CNOT1: variants seen among roughly 807,000 people sequenced by gnomAD.
CNOT1 encodes the protein CCR4-associated factor 1.
Under a neutral mutation model 273.8 loss-of-function variants are expected in CNOT1, and 15 were observed. That is an observed-to-expected ratio of 0.05 (90% confidence interval 0.04 to 0.08). CNOT1 has a LOEUF of 0.08. Ranked by LOEUF, CNOT1 falls within the 10% of genes least tolerant of loss-of-function variation. The pLI, the probability that CNOT1 is intolerant of heterozygous loss-of-function variation, is 1.00. For missense variants in CNOT1, 1,644 were observed against 2,912.2 expected, an observed-to-expected ratio of 0.56 and a Z score of 10.02; for synonymous variants, 1,022 against 1,005.5, an observed-to-expected ratio of 1.02 and a Z score of -0.31.
chr16:58,526,237 C>T (rs2039575508), intron 44 of CNOT1, 99 bp from the exon 45 acceptor site: 1 of 1,247,226 alleles, frequency 8.0e-7, no homozygotes, highest in Non-Finnish European at 1.1e-6. Context: ...AAACTATATA[C>T]ACTATAAATG....
intron 16 of CNOT1, among the ~76,000 whole-genome samples, chr16:58,571,346 A>C (rs538127323): frequency 1.2e-4 from 18 of 152,258 alleles, no homozygotes; most frequent in Admixed American, 2.0e-4. Context: ...ACCTGAGGTC[A>C]GGAGTTCAAG....
chr16:58,557,032 T>G (rs780430581), intron 18 of CNOT1, 39 bp from the exon 19 acceptor site: 1 of 1,601,406 alleles, frequency 6.2e-7, no homozygotes, highest in Non-Finnish European at 8.5e-7. Flanking sequence ...CTATCATTAT[T>G]CATATTCTTG....
rs77306827 is a variant in CNOT1, at chr16:58,615,615, T to C, written c.-175+14113A>G. The stretch of plus-strand genomic sequence containing the variant: ...TTGAGGAAGAAATACATTTTTACTC[T>C]GTTAAGCCGCTGTTATCTTGGATTT... On this transcript the variant is annotated intron_variant, in intron 1 of 48. Transcript: ENST00000317147. Among the ~76,000 whole-genome samples the C allele has an allele frequency of 1.3e-3, 162 of 126,376 alleles. 4 individuals are homozygous for C. The East Asian group carries it at 0.031, about 24-fold the overall frequency. The allele number at this position is 126,376 out of a possible 152,430, so 82.9% of individuals were successfully genotyped here. A position where few individuals can be genotyped will look rare whatever the true frequency, so the allele number is the denominator to read the frequency against.
At chr16:58,522,184 T>C (rs923673172) in intron 47 of CNOT1, among the ~76,000 whole-genome samples, 3 of 124,410 alleles carry the variant, frequency 2.4e-5, no homozygotes, top group African/African-American at 9.5e-5. Context: ...CCGGACGTGG[T>C]GGCAGGTGCC....
chr16:58,532,673 G>A, intron 40 of CNOT1: 1 of 389,446 alleles, frequency 2.6e-6, no homozygotes, highest in Non-Finnish European at 4.6e-6. Flanking sequence ...CTAGAAATCA[G>A]CAAGGCCCCT....
chr16:58,612,036 C>G (rs2042921106), intron 1 of CNOT1, among the ~76,000 whole-genome samples: 1 of 74,006 alleles, frequency 1.4e-5, no homozygotes, highest in Non-Finnish European at 2.8e-5. Context: ...GTGACCACAC[C>G]TCGCGGCCAA....
At chr16:58,589,018 T>C in intron 2 of CNOT1, 112 bp from the exon 3 acceptor site, 1 of 1,289,214 alleles carries the variant, frequency 7.8e-7, no homozygotes, top group African/African-American at 1.5e-5. Flanking sequence ...TTACATTAGT[T>C]ACTCATTTTT....
chr16:58,575,363 T>C (rs1290394956), intron 14 of CNOT1, among the ~76,000 whole-genome samples: 1 of 152,170 alleles, frequency 6.6e-6, no homozygotes, highest in African/African-American at 2.4e-5. Flanking sequence ...AAACAAACTT[T>C]ACCGTGCTCT....
chr16:58,603,919 TAACA>T (rs1371195557), intron 1 of CNOT1, among the ~76,000 whole-genome samples: 2 of 152,326 alleles, frequency 1.3e-5, no homozygotes, highest in African/African-American at 2.4e-5. Context: ...GTAAGTTACA[TAACA>T]AACAAGTAAT....
chr16:58,528,856 G>A (rs2039683058), intron 43 of CNOT1, among the ~76,000 whole-genome samples: 3 of 150,932 alleles, frequency 2.0e-5, no homozygotes, highest in Non-Finnish European at 1.5e-5. Context: ...GGCATCAAGA[G>A]TTTACAGGCT....
chr16:58,531,311 G>A (rs974961036), intron 42 of CNOT1, among the ~76,000 whole-genome samples: 1 of 152,056 alleles, frequency 6.6e-6, no homozygotes, highest in African/African-American at 2.4e-5. Context: ...TGATCTGAGG[G>A]GCCAAAGAAT....
intron 2 of CNOT1, among the ~76,000 whole-genome samples, chr16:58,591,424 G>T (rs950040769): frequency 6.6e-6 from 1 of 152,122 alleles, no homozygotes; most frequent in African/African-American, 2.4e-5. Flanking sequence ...ATAAAAACCT[G>T]CAATGAATAT....
intron 13 of CNOT1, 76 bp from the exon 14 acceptor site, chr16:58,576,658 T>C: frequency 6.3e-7 from 1 of 1,583,364 alleles, no homozygotes; most frequent in South Asian, 1.1e-5. Context: ...GCCCAGTTAA[T>C]TTTGCTAGAA....
At position 58,574,875 on chromosome 16, in the gene CNOT1, C is replaced by T. The variant is rs1384894018; in HGVS notation, c.1828-115G>A. The T allele has an allele frequency of 4.5e-6, 7 of 1,559,516 alleles. No individual in the cohort carries two copies. In the East Asian group the frequency reaches 1.6e-4, roughly 35 times the overall value. ...CCAAAATAAGTAACATCTTCATTGC[C>T]ATTTAAAAAAGTTGTTTCTTTCAAA... On this transcript the variant is annotated intron_variant, in intron 15 of 48. Coordinates refer to ENST00000317147, the MANE Select transcript of CNOT1 (RefSeq NM_016284.5).
intron 1 of CNOT1, among the ~76,000 whole-genome samples, chr16:58,601,358 A>G (rs761874087): frequency 1.3e-5 from 2 of 152,144 alleles, no homozygotes; most frequent in African/African-American, 2.4e-5. Context: ...CGGCCTCCCA[A>G]AGTGCTGGGA....
rs774566160 is a variant in CNOT1, at chr16:58,534,281, G to A, written c.5761C>T (p.Pro1921Ser). Residue 1921 changes from proline to serine, a missense_variant, in exon 40 of 49, where the codon CCT becomes TCT. Physicochemically the swap from Pro to Ser is moderately conservative, Grantham distance 74. Coordinates refer to ENST00000317147, the MANE Select transcript of CNOT1 (RefSeq NM_016284.5). The stretch of plus-strand genomic sequence containing the variant: ...CGGATCATGGTGGGATTGGCAGCAG[G>A]ATTGTGCTGCTGCTCAGCCTGAGCA... Reference protein sequence around the residue: ...YRAQAEQQHNPAANPTMIRAK... With the variant: ...YRAQAEQQHNSAANPTMIRAK... 1 of 1,614,108 alleles carries A rather than the reference G, an allele frequency of 6.2e-7. No homozygotes were observed. The highest frequency in any genetic ancestry group is 1.1e-5 in the South Asian group (1 of 91,076).
chr16:58,553,307 C>A (rs2040516635), intron 22 of CNOT1, among the ~76,000 whole-genome samples: 1 of 151,954 alleles, frequency 6.6e-6, no homozygotes, highest in Non-Finnish European at 1.5e-5. Flanking sequence ...AAAAACCACA[C>A]CTCAAAGGAA....
intron 1 of CNOT1, among the ~76,000 whole-genome samples, chr16:58,616,129 C>T (rs1357531759): frequency 4.0e-5 from 5 of 125,052 alleles, no homozygotes; most frequent in Non-Finnish European, 7.6e-5. Context: ...TTTTTTCAGA[C>T]GGAGTCTCGC....
Position 58,520,670 on chromosome 16 carries a change from A to G in CNOT1, c.*288T>C. On this transcript the variant is annotated 3_prime_UTR_variant, in exon 49 of 49. Coordinates refer to ENST00000317147, the MANE Select transcript of CNOT1 (RefSeq NM_016284.5). ...TACTTGCCTTGGACACAGCTTGCAC[A>G]AAGCCAAGAAGTTCCAGACAAAGGT... 2.3e-6 allele frequency: 1 copy of G among 426,210 alleles called. No homozygotes were observed. Among genetic ancestry groups the G allele is most frequent in the Non-Finnish European group, 4.3e-6 (1 of 230,664 alleles). The allele number at this position is 426,210 out of a possible 1,614,324, so 26.4% of individuals were successfully genotyped here.
Sources: allele counts gnomAD v4.1 joint callset (sites outside exome capture counted in the v4.1 genomes callset), GRCh38; gene constraint gnomAD v4.1.1; transcripts MANE v1.5; gene names NCBI Gene and HGNC (gene_info 2026-07-23, HGNC 2026-07-21).